The following ZFYVE16 variants were observed in gnomAD, a reference collection of about 807,000 sequenced individuals.
ZFYVE16 encodes zinc finger FYVE domain-containing protein 16.
A neutral mutation model predicts 138.1 loss-of-function variants in ZFYVE16; 89 were observed. That is an observed-to-expected ratio of 0.64 (90% CI 0.54 to 0.77). The LOEUF (loss-of-function observed/expected upper bound fraction) is 0.77, where lower values mean the gene tolerates loss of function less well. ZFYVE16 is among the 30% of genes least tolerant of loss of function. ZFYVE16 has a pLI of 0.00. For missense variants in ZFYVE16, 1,793 were observed against 1,786.7 expected, an observed-to-expected ratio of 1.00 and a Z score of -0.06; for synonymous variants, 596 against 618.3, an observed-to-expected ratio of 0.96 and a Z score of 0.53.
At chr5:80,457,841 A>G (rs1752679828) in intron 14 of ZFYVE16, among the ~76,000 whole-genome samples, 2 of 151,524 alleles carry the variant, frequency 1.3e-5, no homozygotes, top group South Asian at 4.3e-4. Flanking sequence ...ACTGGCTAAT[A>G]TGGTGAAACC....
chr5:80,413,852 C>G (rs1036702380), intron 1 of ZFYVE16, among the ~76,000 whole-genome samples: 12 of 152,156 alleles, frequency 7.9e-5, no homozygotes, highest in Non-Finnish European at 1.5e-5. Context: ...CATTCCCATC[C>G]TAATGCGATT....
At chr5:80,448,556 A>T in intron 8 of ZFYVE16, 152 bp downstream of exon 8, 1 of 696,342 alleles carries the variant, frequency 1.4e-6, no homozygotes, top group Non-Finnish European at 2.0e-6. Context: ...TTATTATATA[A>T]AAACAAATTC....
At position 80,438,706 on chromosome 5, in the gene ZFYVE16, T is replaced by C; in HGVS notation, c.2021T>C (p.Ile674Thr). Residue 674 changes from isoleucine to threonine, a missense_variant, in exon 4 of 19, where the codon ATA becomes ACA. Transcript: ENST00000505560. ...AATAAGCCAGATGTTCCAGATACAA[T>C]AGAAAGTGAACCCAGCACAGCAGAT... ...DLNKPDVPDT[I>T]ESEPSTADTV... The C allele has an allele frequency of 6.2e-7, 1 of 1,614,104 alleles. No individual in the cohort carries two copies. Among genetic ancestry groups the C allele is most frequent in the Non-Finnish European group, 8.5e-7 (1 of 1,179,974 alleles).
At chr5:80,475,856 GTA>G in intron 18 of ZFYVE16, among the ~76,000 whole-genome samples, 1 of 152,306 alleles carries the variant, frequency 6.6e-6, no homozygotes, top group South Asian at 2.1e-4. Context: ...CCAGGCCTGA[GTA>G]TATACGCAAT....
In ZFYVE16 at chr5:80,451,922, T is replaced by C. The variant is rs1752025373; in HGVS notation, c.3607+213T>C. ...GTTTCTAGATGTTCATAAGTTCTTT[T>C]ATTACCTAAAACTTTTCTTCTTAAA... On this transcript the variant is annotated intron_variant, in intron 11 of 18. Coordinates refer to ENST00000505560, the MANE Select transcript of ZFYVE16 (RefSeq NM_001284236.3). 8.1e-6 allele frequency: 4 copies of C among 491,574 alleles called. No individual in the cohort carries two copies. The South Asian group carries it at 1.3e-4, about 16-fold the overall frequency. 30.5% of individuals were successfully genotyped at this position (491,574 alleles called of 1,614,324 possible). A position where few individuals can be genotyped will look rare whatever the true frequency, so the allele number is the denominator to read the frequency against.
chr5:80,478,039 C>T lies in ZFYVE16; in HGVS notation c.*662C>T, dbSNP rs1240975595. 2 of 151,898 alleles carry T rather than the reference C, an allele frequency of 1.3e-5. No homozygotes were observed. Among genetic ancestry groups the T allele is most frequent in the East Asian group, 1.9e-4 (1 of 5,194 alleles). The allele number at this position is 151,898 out of a possible 1,614,324, so 9.4% of individuals were successfully genotyped here. ...GATTAAATGGATATTAAAATAATTGCGGGTGCTTCAGGACTTTTTGCTTCT... is the reference window on the plus strand; with the variant it reads ...GATTAAATGGATATTAAAATAATTGTGGGTGCTTCAGGACTTTTTGCTTCT... On this transcript the variant is annotated 3_prime_UTR_variant, in exon 19 of 19. Coordinates refer to ENST00000505560, the MANE Select transcript of ZFYVE16 (RefSeq NM_001284236.3).
intron 2 of ZFYVE16, among the ~76,000 whole-genome samples, chr5:80,431,597 G>A (rs971234661): frequency 5.9e-5 from 9 of 152,148 alleles, no homozygotes; most frequent in Non-Finnish European, 1.2e-4. Context: ...GGGCACTCAG[G>A]CAGGAGAAGG....
At chr5:80,451,987 G>A (rs114359514) in intron 11 of ZFYVE16, 3,621 of 311,786 alleles carry the variant, frequency 0.012, 29 homozygotes, top group Middle Eastern at 0.039. Flanking sequence ...TGCAGGTTGA[G>A]TATGCCATAT....
At chr5:80,415,604 C>T (rs959598609) in intron 1 of ZFYVE16, among the ~76,000 whole-genome samples, 2 of 151,956 alleles carry the variant, frequency 1.3e-5, no homozygotes, top group South Asian at 2.1e-4. Flanking sequence ...TAATGTGTTT[C>T]GGAGAGAAAG....
intron 11 of ZFYVE16, 128 bp from the exon 12 acceptor site, chr5:80,455,564 C>A: frequency 1.3e-6 from 1 of 767,548 alleles, no homozygotes. Flanking sequence ...CTCTCACTTT[C>A]CCCTAAGAAC....
intron 4 of ZFYVE16, 125 bp downstream of exon 4, chr5:80,439,132 A>C: frequency 9.8e-7 from 1 of 1,024,828 alleles, no homozygotes. Flanking sequence ...AGTGTTTTTC[A>C]TCTACCAGTC....
chr5:80,447,890 T>A, intron 7 of ZFYVE16, 136 bp from the exon 8 acceptor site: 1 of 718,276 alleles, frequency 1.4e-6, no homozygotes, highest in Non-Finnish European at 2.1e-6. Flanking sequence ...AAATTTGACT[T>A]TAAGAGAATT....
At position 80,451,495 on chromosome 5, in the gene ZFYVE16, A is replaced by G. The variant is rs767473093; in HGVS notation, c.3393A>G (p.Ile1131Met). Residue 1131 changes from isoleucine (I) to methionine (M), a missense_variant, in exon 11 of 19, where the codon ATA (isoleucine) becomes ATG (methionine). Ile to Met is a conservative substitution (Grantham distance 10). Coordinates refer to ENST00000505560, the MANE Select transcript of ZFYVE16 (RefSeq NM_001284236.3). ...IYKDALKGKY[I>M]ENLDNITFTE... ...TGATTTTATTTGCAGGAAAATACAT[A>G]GAAAACTTGGACAATATTACCTTTA... The G allele has an allele frequency of 1.1e-5, 18 of 1,599,952 alleles. No individual in the cohort carries two copies. The highest frequency in any genetic ancestry group is 1.7e-4 in the Middle Eastern group (1 of 5,996).
At chr5:80,441,120 G>A (rs1750660099) in intron 5 of ZFYVE16, 1 of 985,268 alleles carries the variant, frequency 1.0e-6, no homozygotes, top group Admixed American at 6.2e-5. Flanking sequence ...GAAGATGACT[G>A]CTGGTGCTGT....
chr5:80,435,711 AG>A, intron 3 of ZFYVE16: 1 of 434,956 alleles, frequency 2.3e-6, no homozygotes, highest in South Asian at 1.6e-5. Context: ...TGGGACCACA[AG>A]TGTGCGCCAG....
intron 2 of ZFYVE16, among the ~76,000 whole-genome samples, chr5:80,433,077 C>T (rs1749324797): frequency 6.6e-6 from 1 of 152,104 alleles, no homozygotes. Context: ...CCCAGCCATC[C>T]CATTACTGGG....
At chr5:80,448,873 G>T (rs543931542) in intron 8 of ZFYVE16, among the ~76,000 whole-genome samples, 4 of 151,994 alleles carry the variant, frequency 2.6e-5, no homozygotes, top group Non-Finnish European at 5.9e-5. Flanking sequence ...TGATTTCTAA[G>T]GTCCTTTTCA....
At chr5:80,436,081 C>G (rs1010869413) in intron 3 of ZFYVE16, among the ~76,000 whole-genome samples, 1 of 152,206 alleles carries the variant, frequency 6.6e-6, no homozygotes, top group Non-Finnish European at 1.5e-5. Context: ...CTATTGGCTT[C>G]TTTTATCTGG....
At chr5:80,416,278 C>CT (rs1166170350) in intron 1 of ZFYVE16, among the ~76,000 whole-genome samples, 2 of 77,730 alleles carry the variant, frequency 2.6e-5, no homozygotes, top group African/African-American at 1.0e-4. Context: ...TTTTTTGAGA[C>CT]AAAGTCTCGC....
Sources: allele counts gnomAD v4.1 joint callset (sites outside exome capture counted in the v4.1 genomes callset), GRCh38; gene constraint gnomAD v4.1.1; transcripts MANE v1.5; gene names NCBI Gene and HGNC (gene_info 2026-07-23, HGNC 2026-07-21).